The following SGCD variants were observed in gnomAD, a reference collection of about 807,000 sequenced individuals.
The protein encoded by SGCD is sarcoglycan delta, also known as delta-sarcoglycan.
Under a neutral mutation model 36.6 loss-of-function variants are expected in SGCD, and 18 were observed. The ratio of observed to expected loss-of-function variants is 0.49; its 90% confidence interval spans 0.34 to 0.73. The LOEUF is 0.73. Ranked by LOEUF, SGCD falls within the 30% of genes least tolerant of loss-of-function variation. The pLI is 0.01. For synonymous variants in SGCD, 133 were observed against 130.6 expected (o/e 1.02, Z -0.12); for missense variants, 387 against 346.7 (o/e 1.12, Z -0.92).
chr5:156,355,793 C>T (rs940166688), intron 3 of SGCD, among the ~76,000 whole-genome samples: 1 of 152,160 alleles, frequency 6.6e-6, no homozygotes, highest in Non-Finnish European at 1.5e-5. Flanking sequence ...TGTGCCACCA[C>T]GCCTGGCTAA....
intron 3 of SGCD, 110 bp from the exon 4 acceptor site, chr5:156,508,491 C>T (rs1756798453): frequency 1.5e-6 from 1 of 658,606 alleles, no homozygotes; most frequent in African/African-American, 1.9e-5. Context: ...TCATTCCACA[C>T]CTTCAAAAAT....
chr5:155,964,952 G>A (rs1398325064), intron 1 of SGCD, among the ~76,000 whole-genome samples: 1 of 152,094 alleles, frequency 6.6e-6, no homozygotes. Context: ...TGGGTGCCAG[G>A]ATATTCAACC....
chr5:155,773,947 C>T, the SGCD span, among the ~76,000 whole-genome samples: 1 of 152,042 alleles, frequency 6.6e-6, no homozygotes, highest in African/African-American at 2.4e-5. Context: ...GAAACTGTCT[C>T]CTCACCCCAG....
chr5:156,667,085 G>A (rs1228986696), intron 7 of SGCD, among the ~76,000 whole-genome samples: 1 of 152,152 alleles, frequency 6.6e-6, no homozygotes, highest in African/African-American at 2.4e-5. Context: ...ATACTCATTG[G>A]AGCATTTCAA....
chr5:155,838,049 T>C, the SGCD span, among the ~76,000 whole-genome samples: 1 of 152,018 alleles, frequency 6.6e-6, no homozygotes, highest in Non-Finnish European at 1.5e-5. Context: ...TCTCAACTCC[T>C]ACCGATGCTC....
intron 3 of SGCD, among the ~76,000 whole-genome samples, chr5:156,200,955 C>T (rs1423773710): frequency 2.6e-5 from 4 of 152,070 alleles, no homozygotes; most frequent in Admixed American, 2.0e-4. Flanking sequence ...TATGGATGAA[C>T]GTCGAGGACA....
chr5:155,800,587 A>T, the SGCD span, among the ~76,000 whole-genome samples: 7 of 151,340 alleles, frequency 4.6e-5, no homozygotes, highest in Admixed American at 1.3e-4. Flanking sequence ...TGCTTATAAC[A>T]TTTTTTTTTC....
intron 1 of SGCD, among the ~76,000 whole-genome samples, chr5:155,979,970 G>T (rs1002304101): frequency 6.6e-6 from 1 of 152,120 alleles, no homozygotes; most frequent in African/African-American, 2.4e-5. Flanking sequence ...TAACACTCAT[G>T]AGGGTTCCAC....
intron 1 of SGCD, among the ~76,000 whole-genome samples, chr5:155,893,575 A>G (rs1756183412): frequency 6.6e-6 from 1 of 152,224 alleles, no homozygotes; most frequent in African/African-American, 2.4e-5. Context: ...CATAATGAAG[A>G]TGGAAAACGC....
At chr5:156,748,985 G>A (rs919680358) in intron 7 of SGCD, among the ~76,000 whole-genome samples, 11 of 151,926 alleles carry the variant, frequency 7.2e-5, no homozygotes, top group East Asian at 3.9e-4. Context: ...GGCTGGTCTC[G>A]AAATGCTGAC....
rs145379741 is a variant in SGCD at position 156,000,799 on chromosome 5, C to CATATAT, written c.-281-117068_-281-117063dup. On this transcript the variant is annotated intron_variant, in intron 1 of 9. Coordinates refer to the SGCD transcript ENST00000517913. ...AAACACATATTTTTTTTTCCTCACA[C>CATATAT]ATATATATATATATATTTTTGCCCT... 1.1e-3 allele frequency among the ~76,000 whole-genome samples: 167 copies of CATATAT among 145,284 alleles called. 1 individual carries two copies. Among genetic ancestry groups the CATATAT allele is most frequent in the African/African-American group, 4.4e-3 (163 of 36,688 alleles).
intron 3 of SGCD, among the ~76,000 whole-genome samples, chr5:156,239,811 G>A (rs1003998664): frequency 1.3e-5 from 2 of 152,110 alleles, no homozygotes; most frequent in Non-Finnish European, 2.9e-5. Context: ...GGTTTTATGA[G>A]GCTCACCCAA....
chr5:156,299,869 T>C (rs903820910), intron 3 of SGCD, among the ~76,000 whole-genome samples: 2 of 152,146 alleles, frequency 1.3e-5, no homozygotes, highest in African/African-American at 4.8e-5. Flanking sequence ...TGTAAGATCA[T>C]ATAATATGCA....
the SGCD span, among the ~76,000 whole-genome samples, chr5:155,823,366 T>G: frequency 6.6e-6 from 1 of 151,698 alleles, no homozygotes; most frequent in East Asian, 1.9e-4. Flanking sequence ...CCTTTAGTTC[T>G]ATTCAGACTC....
At chr5:156,439,224 T>G (rs562618619) in intron 3 of SGCD, among the ~76,000 whole-genome samples, 1 of 152,242 alleles carries the variant, frequency 6.6e-6, no homozygotes, top group African/African-American at 2.4e-5. Context: ...TTTTTCCATT[T>G]GAGGAAACTG....
intron 3 of SGCD, among the ~76,000 whole-genome samples, chr5:156,217,815 A>G (rs1270834319): frequency 3.3e-5 from 5 of 151,968 alleles, no homozygotes; most frequent in Non-Finnish European, 5.9e-5. Context: ...GTATGTATGT[A>G]TATATATATA....
chr5:156,154,454 G>A lies in SGCD; in HGVS notation c.-44+30435G>A, dbSNP rs377616736. ...TATTTTTTCATATACAGATGCCACT[G>A]TGACTGATAAAAAACAAATTCATTT... is the stretch of plus-strand genomic sequence containing the variant. On this transcript the variant is annotated intron_variant, in intron 3 of 9. Coordinates refer to the SGCD transcript ENST00000517913. 1.4e-4 allele frequency among the ~76,000 whole-genome samples: 21 copies of A among 151,792 alleles called. 1 individual carries two copies. In the East Asian group the frequency reaches 3.9e-3, roughly 28 times the overall value.
chr5:156,413,625 T>G (rs1297745422), intron 3 of SGCD, among the ~76,000 whole-genome samples: 2 of 152,192 alleles, frequency 1.3e-5, no homozygotes, highest in Non-Finnish European at 2.9e-5. Flanking sequence ...TACAGACACA[T>G]GCCACCACAC....
At chr5:156,179,407 A>G (rs898820468) in intron 3 of SGCD, among the ~76,000 whole-genome samples, 1 of 152,050 alleles carries the variant, frequency 6.6e-6, no homozygotes, top group Non-Finnish European at 1.5e-5. Context: ...TTCCTTTTGT[A>G]TTATTAAAAA....
Sources: allele counts gnomAD v4.1 joint callset (sites outside exome capture counted in the v4.1 genomes callset), GRCh38; gene constraint gnomAD v4.1.1; transcripts MANE v1.5; gene names NCBI Gene and HGNC (gene_info 2026-07-23, HGNC 2026-07-21).